NALF1: variants seen among roughly 807,000 people sequenced by gnomAD.
NALF1 encodes NALCN channel auxiliary factor 1, also known as family with sequence similarity 155 member A.
A neutral mutation model predicts 48.4 loss-of-function variants in NALF1; 3 were observed. The ratio of observed to expected loss-of-function variants is 0.06; its 90% CI spans 0.03 to 0.16. The LOEUF is 0.16. NALF1 is among the 10% of genes least tolerant of loss of function. The pLI, the probability that NALF1 is intolerant of heterozygous loss-of-function variation, is 1.00. For synonymous variants in NALF1, 262 were observed against 245.7 expected, an observed-to-expected ratio of 1.07 and a Z score of -0.62; for missense variants, 526 against 571.5, an observed-to-expected ratio of 0.92 and a Z score of 0.81.
chr13:107,359,534 T>C (rs770736552), intron 1 of NALF1, among the ~76,000 whole-genome samples: 1 of 152,162 alleles, frequency 6.6e-6, no homozygotes, highest in Non-Finnish European at 1.5e-5. Flanking sequence ...TATTCTGTCA[T>C]ATTAATTACA....
In NALF1 at chr13:107,635,818, CACAGTTAATTGATTGGCTTGA is replaced by C. The variant is rs1473617545; in HGVS notation, c.915+229843_915+229863del. 2.0e-5 allele frequency among the ~76,000 whole-genome samples: 3 copies of C among 152,230 alleles called. No individual in the cohort carries two copies. The East Asian group carries it at 5.8e-4, about 30-fold the overall frequency. ...CTATCAAAGCACAACCTACTAGTTG[CACAGTTAATTGATTGGCTTGA>C]ATAGGGAATAGAAGCCTATCCCAAA... On this transcript the variant is annotated intron_variant, in intron 1 of 2. Coordinates refer to ENST00000375915, the MANE Select transcript of NALF1 (RefSeq NM_001080396.3).
Position 107,551,135 on chromosome 13 carries a change from A to G in NALF1, c.915+314547T>C, listed in dbSNP as rs1350995090. 2.0e-5 allele frequency among the ~76,000 whole-genome samples: 3 copies of G among 152,100 alleles called. No homozygotes were observed. In the East Asian group the frequency reaches 5.8e-4, roughly 29 times the overall value. On this transcript the variant is annotated intron_variant, in intron 1 of 2. Transcript: ENST00000375915. ...CTCTCTCTGGTCGTACTGCGTCTGAAGTACATGTGCAGAATCAAGTTTATG... is the reference window on the plus strand; with the variant it reads ...CTCTCTCTGGTCGTACTGCGTCTGAGGTACATGTGCAGAATCAAGTTTATG...
At chr13:107,795,829 A>G (rs1056272755) in intron 1 of NALF1, among the ~76,000 whole-genome samples, 6 of 152,226 alleles carry the variant, frequency 3.9e-5, no homozygotes, top group African/African-American at 1.2e-4. Flanking sequence ...CTCTAGTTTC[A>G]TCTCAGTAGC....
chr13:107,437,177 C>G (rs1459923046), intron 1 of NALF1, among the ~76,000 whole-genome samples: 4 of 151,970 alleles, frequency 2.6e-5, no homozygotes, highest in African/African-American at 9.7e-5. Context: ...CAATTAAAAG[C>G]ACAATGAAAC....
At chr13:107,263,504 T>C (rs747200110) in intron 1 of NALF1, among the ~76,000 whole-genome samples, 1 of 152,116 alleles carries the variant, frequency 6.6e-6, no homozygotes. Flanking sequence ...TTCCCACATG[T>C]TGTGGAAGAG....
intron 1 of NALF1, among the ~76,000 whole-genome samples, chr13:107,705,218 G>A (rs1052804526): frequency 2.0e-5 from 3 of 152,178 alleles, no homozygotes; most frequent in Non-Finnish European, 1.5e-5. Context: ...TTTGTCCAAC[G>A]AAGAAGTTGA....
intron 1 of NALF1, among the ~76,000 whole-genome samples, chr13:107,411,514 C>T (rs1883991586): frequency 6.6e-6 from 1 of 152,026 alleles, no homozygotes; most frequent in South Asian, 2.1e-4. Context: ...TGGGTTTATT[C>T]CTCATTCAGT....
chr13:107,809,421 G>T (rs534172052), intron 1 of NALF1, among the ~76,000 whole-genome samples: 1 of 152,004 alleles, frequency 6.6e-6, no homozygotes, highest in Non-Finnish European at 1.5e-5. Flanking sequence ...TCTGTCTCAT[G>T]ACAATATCCA....
At chr13:107,264,223 C>T (rs1461916439) in intron 1 of NALF1, among the ~76,000 whole-genome samples, 3 of 151,928 alleles carry the variant, frequency 2.0e-5, no homozygotes, top group Admixed American at 2.0e-4. Flanking sequence ...ATATTGCCAA[C>T]TTAATAATTA....
At chr13:107,177,036 C>T (rs1878953901) in intron 2 of NALF1, among the ~76,000 whole-genome samples, 1 of 151,832 alleles carries the variant, frequency 6.6e-6, no homozygotes, top group Admixed American at 6.6e-5. Context: ...TTACAGGATA[C>T]AACATCAACA....
intron 1 of NALF1, among the ~76,000 whole-genome samples, chr13:107,339,574 A>C (rs975201143): frequency 6.6e-6 from 1 of 152,166 alleles, no homozygotes; most frequent in Non-Finnish European, 1.5e-5. Flanking sequence ...TTGTACAAAA[A>C]CCATACCCCA....
intron 1 of NALF1, among the ~76,000 whole-genome samples, chr13:107,823,260 A>T (rs934801270): frequency 6.6e-6 from 1 of 152,182 alleles, no homozygotes; most frequent in Admixed American, 6.5e-5. Flanking sequence ...TAATTCAATT[A>T]AAAGCTCCAT....
chr13:107,418,158 T>C (rs1026921914), intron 1 of NALF1, among the ~76,000 whole-genome samples: 3 of 152,228 alleles, frequency 2.0e-5, no homozygotes, highest in African/African-American at 4.8e-5. Flanking sequence ...TTTGGCCCAG[T>C]AGAGGTAAAA....
At chr13:107,211,271 A>G (rs550645745) in intron 1 of NALF1, among the ~76,000 whole-genome samples, 3 of 152,322 alleles carry the variant, frequency 2.0e-5, no homozygotes, top group African/African-American at 7.2e-5. Context: ...AGAGGCAGAG[A>G]ACAGGCAGAT....
intron 1 of NALF1, among the ~76,000 whole-genome samples, chr13:107,419,063 G>T (rs555078181): frequency 1.3e-5 from 2 of 152,268 alleles, no homozygotes; most frequent in East Asian, 1.9e-4. Context: ...CAGCATCAGT[G>T]AAGTTTCTTG....
intron 1 of NALF1, among the ~76,000 whole-genome samples, chr13:107,236,961 A>G (rs527634314): frequency 6.6e-6 from 1 of 152,250 alleles, no homozygotes; most frequent in Admixed American, 6.5e-5. Context: ...AGTATACAGG[A>G]GGATGTATGT....
intron 1 of NALF1, among the ~76,000 whole-genome samples, chr13:107,564,914 A>G (rs1877750806): frequency 1.3e-5 from 2 of 152,030 alleles, no homozygotes; most frequent in Admixed American, 6.5e-5. Context: ...CTTGAAAGGC[A>G]AAGAATTAAG....
chr13:107,841,638 T>TA (rs200743569), intron 1 of NALF1, among the ~76,000 whole-genome samples: 11,719 of 143,210 alleles, frequency 0.082, 556 homozygotes, highest in East Asian at 0.26. Context: ...GGAATATCCT[T>TA]AAAAAAAAAA....
intron 1 of NALF1, among the ~76,000 whole-genome samples, chr13:107,479,505 T>A (rs1885220954): frequency 6.6e-6 from 1 of 152,206 alleles, no homozygotes; most frequent in South Asian, 2.1e-4. Flanking sequence ...ATATAACATT[T>A]GTTGCTGGCA....
Sources: allele counts gnomAD v4.1 joint callset (sites outside exome capture counted in the v4.1 genomes callset), GRCh38; gene constraint gnomAD v4.1.1; transcripts MANE v1.5; gene names NCBI Gene and HGNC (gene_info 2026-07-23, HGNC 2026-07-21).